ZNF469: variants seen among roughly 807,000 people sequenced by gnomAD.
ZNF469 encodes the protein zinc finger protein 469.
ZNF469 carries 1 observed loss-of-function variant against 1.0 expected under a neutral mutation model. The ratio of observed to expected loss-of-function variants is 1.00; its 90% confidence interval spans 0.35 to 4.73. ZNF469 has a LOEUF of 4.73. Ranked by LOEUF, ZNF469 falls within the 30% of genes most tolerant of loss-of-function variation. The pLI, the probability that ZNF469 is intolerant of heterozygous loss-of-function variation, is 0.16. For missense variants in ZNF469, 6,100 were observed against 5,356.3 expected (o/e 1.14, Z -4.33); for synonymous variants, 2,703 against 2,363.4 (o/e 1.14, Z -4.17).
At chr16:88,371,021 C>A in the ZNF469 span, among the ~76,000 whole-genome samples, 1 of 152,246 alleles carries the variant, frequency 6.6e-6, no homozygotes, top group Non-Finnish European at 1.5e-5. Flanking sequence ...TTAGACCATC[C>A]AGCCCCAGCC....
intron 1 of ZNF469, among the ~76,000 whole-genome samples, chr16:88,397,655 G>GAGATAGATAGATAGAT (rs143095907): frequency 0.093 from 12,539 of 134,690 alleles, 567 homozygotes; most frequent in Admixed American, 0.11. Flanking sequence ...ATATAAATAA[G>GAGATAGATAGATAGAT]AGATAGATAG....
At position 88,433,661 on chromosome 16, in the gene ZNF469, A is replaced by C. The variant is rs1486996663; in HGVS notation, c.6191A>C (p.Glu2064Ala). The C allele has an allele frequency of 1.9e-6, 3 of 1,549,824 alleles. No homozygotes were observed. Among genetic ancestry groups the C allele is most frequent in the African/African-American group, 1.4e-5 (1 of 73,012 alleles). ...CCAAGCCCCCCGTCCCCTAATAGGGAGTCCCTGGCGCTGGCCTTGACAGCA... is the reference window on the plus strand; with the variant it reads ...CCAAGCCCCCCGTCCCCTAATAGGGCGTCCCTGGCGCTGGCCTTGACAGCA... ...PTPSPPSPNR[E>A]SLALALTAAH... The change falls in exon 3 of 3, where the codon GAG becomes GCG. Residue 2064 changes from glutamate to alanine, a missense_variant. Coordinates refer to ENST00000565624, the MANE Select transcript of ZNF469 (RefSeq NM_001367624.2).
the ZNF469 span, among the ~76,000 whole-genome samples, chr16:88,212,116 G>C: frequency 1.1e-4 from 17 of 152,298 alleles, no homozygotes; most frequent in African/African-American, 4.1e-4. Context: ...AAAGTTGCCT[G>C]CTATTTTTGT....
At chr16:88,234,824 G>T in the ZNF469 span, 1 of 152,246 alleles carries the variant, frequency 6.6e-6, no homozygotes, top group Non-Finnish European at 1.5e-5. Flanking sequence ...ATCAGATAAA[G>T]CCTGGGGCGG....
At chr16:88,274,304 C>T in the ZNF469 span, among the ~76,000 whole-genome samples, 1 of 152,212 alleles carries the variant, frequency 6.6e-6, no homozygotes, top group Non-Finnish European at 1.5e-5. Context: ...AGTTGGAAAG[C>T]TGAAGAGAGT....
the ZNF469 span, among the ~76,000 whole-genome samples, chr16:88,276,769 C>A: frequency 5.9e-5 from 9 of 151,884 alleles, no homozygotes; most frequent in Admixed American, 3.9e-4. Context: ...TTAGTGCCAC[C>A]CTACGCTGAC....
chr16:88,283,258 C>T, the ZNF469 span, among the ~76,000 whole-genome samples: 4 of 151,670 alleles, frequency 2.6e-5, no homozygotes, highest in African/African-American at 9.7e-5. Flanking sequence ...CTGTCAGAAC[C>T]CATTGACTTG....
At chr16:88,181,432 C>T in the ZNF469 span, among the ~76,000 whole-genome samples, 46 of 152,166 alleles carry the variant, frequency 3.0e-4, no homozygotes, top group African/African-American at 8.7e-4. Context: ...TATTCCAGGC[C>T]GTAAAACAGA....
At chr16:88,376,125 G>C in the ZNF469 span, among the ~76,000 whole-genome samples, 1 of 152,258 alleles carries the variant, frequency 6.6e-6, no homozygotes, top group Non-Finnish European at 1.5e-5. Flanking sequence ...CGCTGTTCAC[G>C]GCGCAGCCGG....
the ZNF469 span, among the ~76,000 whole-genome samples, chr16:88,174,295 A>AC: frequency 6.6e-6 from 1 of 152,210 alleles, no homozygotes; most frequent in Non-Finnish European, 1.5e-5. Context: ...CATGAAGGGG[A>AC]CACAAAATCC....
chr16:88,285,195 C>G, the ZNF469 span, among the ~76,000 whole-genome samples: 1 of 152,262 alleles, frequency 6.6e-6, no homozygotes, highest in South Asian at 2.1e-4. Flanking sequence ...CCCGTGTGCC[C>G]GGAGAACTGC....
intron 1 of ZNF469, among the ~76,000 whole-genome samples, chr16:88,393,833 C>T (rs1904564651): frequency 6.6e-6 from 1 of 152,250 alleles, no homozygotes; most frequent in Admixed American, 6.5e-5. Context: ...GGACGCTGCC[C>T]CACCGGTCTC....
Position 88,438,371 on chromosome 16 carries a change from C to A in ZNF469, c.10901C>A (p.Ala3634Asp). The A allele has an allele frequency of 1.3e-6, 2 of 1,550,182 alleles. No homozygotes were observed. Among genetic ancestry groups the A allele is most frequent in the Non-Finnish European group, 1.7e-6 (2 of 1,146,968 alleles). The change falls in exon 3 of 3, where the codon GCC becomes GAC. Residue 3634 changes from alanine (A) to aspartate (D), a missense_variant. Transcript: ENST00000565624. The part of the protein sequence containing the change: ...RRAPGARGRC[A>D]PDHFQEDHLL... The stretch of plus-strand genomic sequence containing the variant: ...GCCCCGGGTGCCCGTGGCAGGTGTG[C>A]CCCTGACCATTTCCAGGAAGACCAC...
chr16:88,138,063 A>G, the ZNF469 span, among the ~76,000 whole-genome samples: 7 of 152,192 alleles, frequency 4.6e-5, no homozygotes, highest in African/African-American at 1.7e-4. Context: ...CATCTCACTC[A>G]GTGTCTGTGA....
chr16:88,203,269 C>T, the ZNF469 span, among the ~76,000 whole-genome samples: 2 of 152,120 alleles, frequency 1.3e-5, no homozygotes, highest in Admixed American at 6.5e-5. Flanking sequence ...GGCCAAGACC[C>T]GCGTCTAGGA....
At chr16:88,226,288 A>G in the ZNF469 span, among the ~76,000 whole-genome samples, 1 of 151,960 alleles carries the variant, frequency 6.6e-6, no homozygotes, top group Non-Finnish European at 1.5e-5. Context: ...GCCTCTGCAG[A>G]TGTGAGGAGG....
the ZNF469 span, among the ~76,000 whole-genome samples, chr16:88,175,101 A>C: frequency 1.3e-5 from 2 of 152,168 alleles, no homozygotes; most frequent in Non-Finnish European, 2.9e-5. Flanking sequence ...AGCTTTTAAG[A>C]TCTTCCGACT....
At chr16:88,350,006 C>T in the ZNF469 span, among the ~76,000 whole-genome samples, 535 of 143,016 alleles carry the variant, frequency 3.7e-3, 18 homozygotes, top group Admixed American at 0.032. Context: ...ACATGCAGCA[C>T]GCACAGCGTA....
the ZNF469 span, among the ~76,000 whole-genome samples, chr16:88,355,172 A>C: frequency 6.6e-6 from 1 of 152,008 alleles, no homozygotes; most frequent in Non-Finnish European, 1.5e-5. Flanking sequence ...CGGCCTCTCA[A>C]CTCTACAACG....
Sources: allele counts gnomAD v4.1 joint callset (sites outside exome capture counted in the v4.1 genomes callset), GRCh38; gene constraint gnomAD v4.1.1; transcripts MANE v1.5; gene names NCBI Gene and HGNC (gene_info 2026-07-23, HGNC 2026-07-21).